Variants in LPAR1 observed in about 807,000 individuals in gnomAD.
The protein encoded by LPAR1 is LPA receptor 1.
LPAR1 carries 5 observed loss-of-function variants against 23.8 expected under a neutral mutation model. That is an observed-to-expected ratio of 0.21 (90% CI 0.11 to 0.44). The LOEUF is 0.44. Among genes scored for constraint, LPAR1 ranks in the 20% least tolerant of loss-of-function variants. LPAR1 has a pLI of 0.99. For synonymous variants in LPAR1, 160 were observed against 164.7 expected (o/e 0.97, Z 0.22); for missense variants, 311 against 482.8 (o/e 0.64, Z 3.33).
intron 5 of LPAR1, among the ~76,000 whole-genome samples, chr9:110,892,769 G>A (rs2084743969): frequency 3.3e-5 from 1 of 30,478 alleles, no homozygotes; most frequent in Non-Finnish European, 7.8e-5. Flanking sequence ...GGGAGGAAGG[G>A]AAGGAAGGAA....
At chr9:110,955,160 C>T (rs1276177044) in intron 4 of LPAR1, among the ~76,000 whole-genome samples, 1 of 152,126 alleles carries the variant, frequency 6.6e-6, no homozygotes, top group Non-Finnish European at 1.5e-5. Context: ...GATTTAAAAA[C>T]GTGATCCAAC....
intron 5 of LPAR1, among the ~76,000 whole-genome samples, chr9:110,940,968 C>T (rs1184031499): frequency 6.6e-6 from 1 of 152,108 alleles, no homozygotes; most frequent in African/African-American, 2.4e-5. Context: ...TGATATACTA[C>T]CTATAATGTA....
intron 2 of LPAR1, among the ~76,000 whole-genome samples, chr9:111,004,706 C>T (rs1274915212): frequency 1.3e-5 from 2 of 152,114 alleles, no homozygotes; most frequent in South Asian, 2.1e-4. Flanking sequence ...TGTTGGCTTA[C>T]CCCCAAGCTC....
At chr9:111,023,277 C>G (rs1405653694) in intron 2 of LPAR1, among the ~76,000 whole-genome samples, 1 of 152,084 alleles carries the variant, frequency 6.6e-6, no homozygotes, top group Non-Finnish European at 1.5e-5. Context: ...ACCTGTCTTT[C>G]CCTTCCGGTT....
chr9:110,887,141 A>G (rs772526741), intron 5 of LPAR1, among the ~76,000 whole-genome samples: 4 of 152,118 alleles, frequency 2.6e-5, no homozygotes, highest in Non-Finnish European at 5.9e-5. Flanking sequence ...TGATGACAAA[A>G]TCCTGTGGAT....
At chr9:111,002,799 T>C (rs1019806537) in intron 2 of LPAR1, among the ~76,000 whole-genome samples, 1 of 152,154 alleles carries the variant, frequency 6.6e-6, no homozygotes, top group Admixed American at 6.5e-5. Flanking sequence ...TCTAGAAAGA[T>C]GTGTCCATCA....
intron 5 of LPAR1, among the ~76,000 whole-genome samples, chr9:110,932,817 T>TC (rs1231252929): frequency 6.6e-6 from 1 of 151,882 alleles, no homozygotes. Flanking sequence ...CCCTAAACCA[T>TC]CCCCCCTCCT....
intron 5 of LPAR1, among the ~76,000 whole-genome samples, chr9:110,932,962 T>G (rs1377262473): frequency 6.6e-6 from 1 of 152,236 alleles, no homozygotes; most frequent in Non-Finnish European, 1.5e-5. Flanking sequence ...AGGGAGCTCA[T>G]GACTTTCTTA....
chr9:110,944,115 C>G (rs760354197), intron 4 of LPAR1, among the ~76,000 whole-genome samples: 3 of 152,108 alleles, frequency 2.0e-5, no homozygotes, highest in Non-Finnish European at 4.4e-5. Context: ...TTTCTTGTAT[C>G]AGAATTACCT....
chr9:111,032,558 C>T (rs2097820330), intron 2 of LPAR1, among the ~76,000 whole-genome samples: 1 of 152,154 alleles, frequency 6.6e-6, no homozygotes, highest in Non-Finnish European at 1.5e-5. Context: ...AAAAAAGTTT[C>T]CTCTGCCCCT....
At chr9:110,953,772 A>C (rs2095647565) in intron 4 of LPAR1, among the ~76,000 whole-genome samples, 1 of 152,196 alleles carries the variant, frequency 6.6e-6, no homozygotes. Context: ...AGTGACCTAC[A>C]CAACCAACAC....
intron 5 of LPAR1, among the ~76,000 whole-genome samples, chr9:110,938,984 C>T (rs10817115): frequency 0.39 from 59,256 of 152,048 alleles, 12,176 homozygotes; most frequent in East Asian, 0.81. Context: ...GGAGTGGTCA[C>T]TTGGCTGTAC....
chr9:110,963,990 T>C (rs1265662324), intron 4 of LPAR1, among the ~76,000 whole-genome samples: 1 of 152,256 alleles, frequency 6.6e-6, no homozygotes, highest in Non-Finnish European at 1.5e-5. Context: ...GGAAACATAC[T>C]TCATACTGCA....
chr9:110,928,531 G>C (rs2094192567), intron 5 of LPAR1, among the ~76,000 whole-genome samples: 1 of 152,098 alleles, frequency 6.6e-6, no homozygotes, highest in Admixed American at 6.5e-5. Context: ...TTTTCTTCTA[G>C]AACATTAGAA....
At chr9:110,931,074 T>C (rs1187490844) in intron 5 of LPAR1, among the ~76,000 whole-genome samples, 1 of 152,204 alleles carries the variant, frequency 6.6e-6, no homozygotes, top group Non-Finnish European at 1.5e-5. Flanking sequence ...CTAAGTGAAA[T>C]ACTAATTACA....
intron 4 of LPAR1, among the ~76,000 whole-genome samples, chr9:110,954,211 A>G (rs942077142): frequency 1.3e-5 from 2 of 152,208 alleles, no homozygotes; most frequent in African/African-American, 4.8e-5. Context: ...AGACAAGATC[A>G]AGGAGAACAA....
At chr9:110,883,098 G>A (rs2081321704) in intron 5 of LPAR1, among the ~76,000 whole-genome samples, 1 of 152,134 alleles carries the variant, frequency 6.6e-6, no homozygotes, top group Non-Finnish European at 1.5e-5. Flanking sequence ...GGAGTGCAGT[G>A]GCATGATCTT....
At chr9:110,926,460 T>A (rs1175904268) in intron 5 of LPAR1, among the ~76,000 whole-genome samples, 1 of 152,226 alleles carries the variant, frequency 6.6e-6, no homozygotes, top group Non-Finnish European at 1.5e-5. Context: ...CAGGATAATA[T>A]AAAATCATAT....
At chr9:111,031,962 A>G (rs946186264) in intron 2 of LPAR1, among the ~76,000 whole-genome samples, 2 of 152,186 alleles carry the variant, frequency 1.3e-5, no homozygotes, top group African/African-American at 4.8e-5. Context: ...AGGCATTCTA[A>G]AAGAACTTCT....
Sources: allele counts gnomAD v4.1 joint callset (sites outside exome capture counted in the v4.1 genomes callset), GRCh38; gene constraint gnomAD v4.1.1; transcripts MANE v1.5; gene names NCBI Gene and HGNC (gene_info 2026-07-23, HGNC 2026-07-21).